Variants in TACR1 observed in about 807,000 individuals in gnomAD.
TACR1 encodes the protein substance-P receptor.
A neutral mutation model predicts 35.8 loss-of-function variants in TACR1; 25 were observed. The observed-to-expected ratio is 0.70, with a 90% CI of 0.51 to 0.98. The LOEUF (loss-of-function observed/expected upper bound fraction) is 0.98, where lower values mean the gene tolerates loss of function less well. Among genes scored for constraint, TACR1 ranks in the 50% least tolerant of loss-of-function variants. The probability of loss-of-function intolerance (pLI) is 0.00; values close to 1 mark genes in which losing one functional copy is unlikely to be tolerated. For missense variants in TACR1, 478 were observed against 522.9 expected, an observed-to-expected ratio of 0.91 and a Z score of 0.84; for synonymous variants, 195 against 206.7, an observed-to-expected ratio of 0.94 and a Z score of 0.48.
Position 75,078,999 on chromosome 2 carries a change from C to T in TACR1, c.585-25244G>A, listed in dbSNP as rs368827052. Among the ~76,000 whole-genome samples the T allele has an allele frequency of 3.8e-3, 578 of 152,154 alleles. 6 individuals are homozygous for T. Among genetic ancestry groups the T allele is most frequent in the African/African-American group, 0.013 (559 of 41,506 alleles). ...TAAACATACACTCTGGCAAACACAT[C>T]GAAACATCAAAATCCTGTCTGTGCT... On this transcript the variant is annotated intron_variant, in intron 2 of 4. Transcript: ENST00000305249.
intron 2 of TACR1, among the ~76,000 whole-genome samples, chr2:75,058,178 T>G (rs1263048306): frequency 6.6e-6 from 1 of 152,206 alleles, no homozygotes; most frequent in Non-Finnish European, 1.5e-5. Flanking sequence ...TATAAGTGAA[T>G]GTAGGTCAAA....
chr2:75,169,788 C>G (rs1310939528), intron 1 of TACR1, among the ~76,000 whole-genome samples: 1 of 152,048 alleles, frequency 6.6e-6, no homozygotes, highest in African/African-American at 2.4e-5. Flanking sequence ...GTTTCTTTTT[C>G]AAGAATAACT....
At chr2:75,101,383 G>A (rs1293943583) in intron 2 of TACR1, among the ~76,000 whole-genome samples, 1 of 152,120 alleles carries the variant, frequency 6.6e-6, no homozygotes, top group Non-Finnish European at 1.5e-5. Flanking sequence ...TGATCACTGT[G>A]TACCAGACAC....
At chr2:75,104,418 TAGAC>T (rs932132800) in intron 2 of TACR1, among the ~76,000 whole-genome samples, 1 of 152,006 alleles carries the variant, frequency 6.6e-6, no homozygotes, top group Non-Finnish European at 1.5e-5. Context: ...AAGGGAGAGA[TAGAC>T]AGCAACATAA....
In TACR1 at chr2:75,049,678, G is replaced by C; in HGVS notation, c.978C>G (p.Ile326Met). 1 of 1,614,144 alleles carries C rather than the reference G, an allele frequency of 6.2e-7. No individual in the cohort carries two copies. The highest frequency in any genetic ancestry group is 8.5e-7 in the Non-Finnish European group (1 of 1,180,034). Residue 326 changes from isoleucine to methionine, a missense_variant, in exon 5 of 5, where the codon ATC becomes ATG. Coordinates refer to ENST00000305249, the MANE Select transcript of TACR1 (RefSeq NM_001058.4). ...CCAGCCCCTCATAGTCGCCGGCGCT[G>C]ATGAAGGGGCAGCACCGGAAGGCAT... ...FKHAFRCCPF[I>M]SAGDYEGLEM...
intron 1 of TACR1, among the ~76,000 whole-genome samples, chr2:75,142,499 A>G (rs1674428551): frequency 6.6e-6 from 1 of 152,266 alleles, no homozygotes; most frequent in Non-Finnish European, 1.5e-5. Flanking sequence ...GCAATGAATA[A>G]TAACGATAGA....
chr2:75,092,040 T>C (rs1673322870), intron 2 of TACR1, among the ~76,000 whole-genome samples: 1 of 152,240 alleles, frequency 6.6e-6, no homozygotes. Context: ...CAGTGTGAGG[T>C]GTTTGTTTTT....
At chr2:75,058,645 C>T (rs1021420839) in intron 2 of TACR1, among the ~76,000 whole-genome samples, 2 of 152,188 alleles carry the variant, frequency 1.3e-5, no homozygotes, top group African/African-American at 2.4e-5. Context: ...ATGAGCTTAT[C>T]GGAACTTTCA....
chr2:75,163,330 A>C (rs184024556), intron 1 of TACR1, among the ~76,000 whole-genome samples: 2 of 152,344 alleles, frequency 1.3e-5, no homozygotes, highest in African/African-American at 4.8e-5. Context: ...TTTGGGCTCA[A>C]GTTCTTTAGG....
intron 1 of TACR1, among the ~76,000 whole-genome samples, chr2:75,182,215 T>C (rs1405144581): frequency 6.6e-6 from 1 of 152,204 alleles, no homozygotes; most frequent in Non-Finnish European, 1.5e-5. Context: ...TGTTGCCTTT[T>C]TATTCAGGAA....
chr2:75,076,128 T>C (rs1251267533), intron 2 of TACR1, among the ~76,000 whole-genome samples: 3 of 152,256 alleles, frequency 2.0e-5, no homozygotes, highest in Admixed American at 2.0e-4. Context: ...CTCTTCCTTC[T>C]GTTAGACCTT....
chr2:75,103,956 G>A (rs943514057), intron 2 of TACR1, among the ~76,000 whole-genome samples: 1 of 151,990 alleles, frequency 6.6e-6, no homozygotes, highest in Non-Finnish European at 1.5e-5. Flanking sequence ...ATAGAAAATA[G>A]TCAAATCACA....
intron 2 of TACR1, among the ~76,000 whole-genome samples, chr2:75,074,708 G>A (rs1009946962): frequency 6.6e-6 from 1 of 152,086 alleles, no homozygotes. Flanking sequence ...CAGGCAAGAA[G>A]GTGGCTTCAG....
intron 1 of TACR1, among the ~76,000 whole-genome samples, chr2:75,124,742 A>G (rs1035880667): frequency 3.9e-5 from 6 of 152,262 alleles, no homozygotes; most frequent in Non-Finnish European, 7.3e-5. Context: ...TTACAAAAAC[A>G]GGAGGTAGGC....
In TACR1 at chr2:75,159,808, G is replaced by A. The variant is rs1674957438; in HGVS notation, c.389+38738C>T. 3.3e-5 allele frequency among the ~76,000 whole-genome samples: 5 copies of A among 152,186 alleles called. No homozygotes were observed. In the South Asian group the frequency reaches 1.0e-3, roughly 32 times the overall value. On this transcript the variant is annotated intron_variant, in intron 1 of 4. Transcript: ENST00000305249. Reference sequence around the variant, plus strand: ...AGGGTCTGGGTGGCAGTTAAAAAGAGCTGAGTCTGACAGAGTCGTAGTGCA... The same window carrying A: ...AGGGTCTGGGTGGCAGTTAAAAAGAACTGAGTCTGACAGAGTCGTAGTGCA...
At chr2:75,156,197 G>A (rs1674848511) in intron 1 of TACR1, 1 of 152,072 alleles carries the variant, frequency 6.6e-6, no homozygotes, top group South Asian at 2.1e-4. Context: ...ATTCTTGTAA[G>A]CGATAGAAGA....
At chr2:75,181,414 A>G (rs574577236) in intron 1 of TACR1, among the ~76,000 whole-genome samples, 2 of 152,340 alleles carry the variant, frequency 1.3e-5, no homozygotes, top group South Asian at 2.1e-4. Flanking sequence ...AACATACTCC[A>G]GACCACGGGT....
At chr2:75,072,594 A>G (rs1003351178) in intron 2 of TACR1, among the ~76,000 whole-genome samples, 2 of 152,196 alleles carry the variant, frequency 1.3e-5, no homozygotes, top group Admixed American at 6.5e-5. Context: ...TCACAATCAG[A>G]TATGGCACCT....
chr2:75,082,094 T>C (rs1340510880), intron 2 of TACR1, among the ~76,000 whole-genome samples: 2 of 151,968 alleles, frequency 1.3e-5, no homozygotes, highest in Admixed American at 6.6e-5. Context: ...CAACAGGCTC[T>C]GGGGTATGAT....
Sources: allele counts gnomAD v4.1 joint callset (sites outside exome capture counted in the v4.1 genomes callset), GRCh38; gene constraint gnomAD v4.1.1; transcripts MANE v1.5; gene names NCBI Gene and HGNC (gene_info 2026-07-23, HGNC 2026-07-21).